Variants in COBL observed in about 807,000 individuals in gnomAD.
COBL encodes the protein cordon-bleu WH2 repeat protein.
A neutral mutation model predicts 98.8 loss-of-function variants in COBL; 51 were observed. That is an observed-to-expected ratio of 0.52 (90% CI 0.41 to 0.65). The LOEUF (loss-of-function observed/expected upper bound fraction) is 0.65, where lower values mean the gene tolerates loss of function less well. Among genes scored for constraint, COBL ranks in the 30% least tolerant of loss-of-function variants. The pLI, the probability that COBL is intolerant of heterozygous loss-of-function variation, is 0.00. For missense variants in COBL, 1,617 were observed against 1,617.5 expected (o/e 1.00, Z 0.01); for synonymous variants, 634 against 651.7 (o/e 0.97, Z 0.41).
intron 1 of COBL, among the ~76,000 whole-genome samples, chr7:51,288,189 T>G (rs1800548534): frequency 6.6e-6 from 1 of 152,112 alleles, no homozygotes; most frequent in South Asian, 2.1e-4. Context: ...ATCCCAGCAC[T>G]TTGGGAGGCC....
chr7:51,043,891 A>T (rs897207068), intron 7 of COBL, among the ~76,000 whole-genome samples, 199 bp from the exon 8 acceptor site: 2 of 152,212 alleles, frequency 1.3e-5, no homozygotes, highest in Non-Finnish European at 2.9e-5. Flanking sequence ...TGTAAGATTG[A>T]GGGCAAAATT....
At position 51,028,087 on chromosome 7, in the gene COBL, G is replaced by A; in HGVS notation, c.3009C>T (p.Ser1003=). The A allele has an allele frequency of 6.2e-7, 1 of 1,614,010 alleles. No homozygotes were observed. The highest frequency in any genetic ancestry group is 8.5e-7 in the Non-Finnish European group (1 of 1,179,922). Residue 1003 remains serine, a synonymous_variant, in exon 10 of 13, where the codon AGC becomes AGT. Coordinates refer to ENST00000265136, the MANE Select transcript of COBL (RefSeq NM_015198.5). ...CGFSGKQSTS[S]QEASSASEPR... is the part of the protein sequence containing the mutation. ...GCTCAGATGCTGAGCTGGCCTCCTG[G>A]CTACTTGTGCTTTGCTTTCCACTGA...
chr7:51,040,578 G>C (rs1789084228), intron 8 of COBL, among the ~76,000 whole-genome samples: 1 of 152,184 alleles, frequency 6.6e-6, no homozygotes, highest in South Asian at 2.1e-4. Flanking sequence ...TGATAGATAG[G>C]TGGCATATCT....
chr7:51,289,354 C>A (rs1800680282), intron 1 of COBL, among the ~76,000 whole-genome samples: 1 of 152,210 alleles, frequency 6.6e-6, no homozygotes, highest in Admixed American at 6.5e-5. Flanking sequence ...ACCTCACTGC[C>A]CTCCTGCTGA....
At chr7:51,302,261 T>C (rs1372974370) in intron 1 of COBL, among the ~76,000 whole-genome samples, 1 of 152,202 alleles carries the variant, frequency 6.6e-6, no homozygotes, top group Non-Finnish European at 1.5e-5. Context: ...AGTAAATTGA[T>C]AAGACCATTA....
chr7:51,175,982 T>C, intron 5 of COBL, among the ~76,000 whole-genome samples: 1 of 152,254 alleles, frequency 6.6e-6, no homozygotes, highest in Admixed American at 6.5e-5. Context: ...TCTTTCCCAC[T>C]GTCTCTTTAA....
At chr7:51,209,423 C>A (rs1253497922) in intron 2 of COBL, among the ~76,000 whole-genome samples, 18 of 152,132 alleles carry the variant, frequency 1.2e-4, no homozygotes, top group Non-Finnish European at 2.5e-4. Flanking sequence ...CCTGGGCAGC[C>A]CCAACCCTCC....
At chr7:51,087,930 C>T (rs1490437384) in intron 6 of COBL, among the ~76,000 whole-genome samples, 44 of 151,936 alleles carry the variant, frequency 2.9e-4, no homozygotes, top group Admixed American at 2.9e-3. Flanking sequence ...AGTATAGATG[C>T]CTACAGGAAC....
At chr7:51,055,561 C>T (rs1790662463) in intron 7 of COBL, among the ~76,000 whole-genome samples, 1 of 152,198 alleles carries the variant, frequency 6.6e-6, no homozygotes, top group Admixed American at 6.5e-5. Flanking sequence ...TCAGAACGCC[C>T]TGGAGGGCTT....
intron 6 of COBL, among the ~76,000 whole-genome samples, chr7:51,105,633 C>G (rs1478391026): frequency 6.6e-6 from 1 of 152,020 alleles, no homozygotes. Context: ...CACCTGTGGT[C>G]CCAGCTACAC....
At chr7:51,285,506 T>A (rs1312723644) in intron 1 of COBL, among the ~76,000 whole-genome samples, 2 of 152,078 alleles carry the variant, frequency 1.3e-5, no homozygotes, top group Non-Finnish European at 2.9e-5. Flanking sequence ...GGAATTAAAA[T>A]TTTAAAATGC....
chr7:51,148,324 G>A (rs959453784), intron 5 of COBL, among the ~76,000 whole-genome samples: 1 of 152,048 alleles, frequency 6.6e-6, no homozygotes, highest in Non-Finnish European at 1.5e-5. Context: ...CACAGCTCAC[G>A]CTCCACCTCA....
At chr7:51,059,409 G>C (rs1791096146) in intron 7 of COBL, among the ~76,000 whole-genome samples, 1 of 152,180 alleles carries the variant, frequency 6.6e-6, no homozygotes, top group African/African-American at 2.4e-5. Flanking sequence ...ATGATGGTAA[G>C]TGAGGACTTA....
chr7:51,274,753 T>C (rs996711527), intron 1 of COBL, among the ~76,000 whole-genome samples: 3 of 152,218 alleles, frequency 2.0e-5, no homozygotes, highest in Non-Finnish European at 4.4e-5. Context: ...CCATGCCTTG[T>C]ACAACAGACG....
chr7:51,287,834 CA>C (rs569487852), intron 1 of COBL, among the ~76,000 whole-genome samples: 3 of 144,264 alleles, frequency 2.1e-5, no homozygotes, highest in Non-Finnish European at 3.0e-5. Context: ...GACTCTGTCT[CA>C]AAAAAAAAGA....
intron 5 of COBL, 89 bp from the exon 6 acceptor site, chr7:51,136,420 C>T (rs1008120363): frequency 2.9e-6 from 4 of 1,361,420 alleles, no homozygotes; most frequent in East Asian, 4.9e-5. Flanking sequence ...AGTTCCAATC[C>T]GTCCACCTGA....
At chr7:51,074,227 C>T (rs1028475937) in intron 7 of COBL, among the ~76,000 whole-genome samples, 5 of 127,752 alleles carry the variant, frequency 3.9e-5, no homozygotes, top group Admixed American at 2.8e-4. Flanking sequence ...GACAGAGTCT[C>T]GCTCTGTTGC....
chr7:51,104,558 G>A (rs1256427688), intron 6 of COBL, among the ~76,000 whole-genome samples: 1 of 152,160 alleles, frequency 6.6e-6, no homozygotes, highest in Non-Finnish European at 1.5e-5. Flanking sequence ...TTAGGATTAA[G>A]TAAGTAATAA....
intron 6 of COBL, among the ~76,000 whole-genome samples, chr7:51,103,430 T>C (rs1348542031): frequency 1.3e-5 from 2 of 152,212 alleles, no homozygotes; most frequent in Non-Finnish European, 2.9e-5. Context: ...CCTTGAATTT[T>C]CTAAATTTTA....
Sources: gnomAD v4.1 joint callset for allele counts (sites outside exome capture counted in the v4.1 genomes callset) on GRCh38, gnomAD v4.1.1 for gene constraint, MANE v1.5 for transcripts, NCBI Gene and HGNC (gene_info 2026-07-23, HGNC 2026-07-21) for gene names.